THBS2: variants seen among roughly 807,000 people sequenced by gnomAD.
THBS2 encodes the protein thrombospondin-2.
THBS2 carries 47 observed loss-of-function variants against 135.2 expected under a neutral mutation model. The ratio of observed to expected loss-of-function variants is 0.35; its 90% CI spans 0.28 to 0.44. The LOEUF is 0.44. Ranked by LOEUF, THBS2 falls within the 20% of genes least tolerant of loss-of-function variation. The probability of loss-of-function intolerance (pLI) is 1.00; values close to 1 mark genes in which losing one functional copy is unlikely to be tolerated. For missense variants in THBS2, 1,288 were observed against 1,603.1 expected, an observed-to-expected ratio of 0.80 and a Z score of 3.36; for synonymous variants, 639 against 633.8, an observed-to-expected ratio of 1.01 and a Z score of -0.12.
rs1294026358 is a variant in THBS2 at position 169,231,987 on chromosome 6, C to T, written c.2144G>A (p.Cys715Tyr). The change falls in exon 13 of 22, where the codon TGC (cysteine) becomes TAC (tyrosine). Residue 715 changes from cysteine to tyrosine, a missense_variant. Transcript: ENST00000617924. ...LVCATNATYH[C>Y]IKDNCPHLPN... ...GCGAGCCCCGCGCCTCACCTTGATG[C>T]AGTGGTAGGTGGCGTTGGTGGCGCA... 10 of 1,613,632 alleles carry T rather than the reference C, an allele frequency of 6.2e-6. No homozygotes were observed. In the Admixed American group the frequency reaches 6.7e-5, roughly 11 times the overall value.
chr6:169,226,430 C>T (rs143000590), intron 15 of THBS2, 132 bp from the exon 16 acceptor site: 25 of 594,568 alleles, frequency 4.2e-5, no homozygotes, highest in South Asian at 7.2e-5. Flanking sequence ...AATAAAAAGA[C>T]GCCTAAGAAT....
At chr6:169,240,022 T>C (rs1780234546) in intron 6 of THBS2, among the ~76,000 whole-genome samples, 1 of 152,222 alleles carries the variant, frequency 6.6e-6, no homozygotes, top group Admixed American at 6.5e-5. Context: ...AAGGTAATGC[T>C]GAGGCCATTG....
At chr6:169,226,793 A>G (rs920581870) in intron 15 of THBS2, among the ~76,000 whole-genome samples, 2 of 152,234 alleles carry the variant, frequency 1.3e-5, no homozygotes, top group Non-Finnish European at 2.9e-5. Flanking sequence ...AATATAAACT[A>G]GCACTGAACT....
At chr6:169,238,008 C>A (rs1780165162) in intron 7 of THBS2, among the ~76,000 whole-genome samples, 1 of 152,184 alleles carries the variant, frequency 6.6e-6, no homozygotes, top group Non-Finnish European at 1.5e-5. Flanking sequence ...TCAGGGACTG[C>A]CTTTCAAGAG....
chr6:169,228,859 G>A (rs1234473768), intron 14 of THBS2, among the ~76,000 whole-genome samples: 4 of 146,574 alleles, frequency 2.7e-5, no homozygotes, highest in Non-Finnish European at 5.9e-5. Context: ...AGAAGATGGA[G>A]ATTGCAGTGA....
chr6:169,232,686 T>C lies in THBS2; in HGVS notation c.1910A>G (p.Glu637Gly). ...RGNQPVGVGL[E>G]AAKTEKQVCE... ...TACTTGCTTTTCCGTCTTGGCTGCT[T>C]CCAGGCCGACCCCGACGGGCTGGTT... The change falls in exon 12 of 22, where the codon GAA becomes GGA. Residue 637 changes from glutamate (E) to glycine (G), a missense_variant. Coordinates refer to ENST00000617924, the MANE Select transcript of THBS2 (RefSeq NM_003247.5). 1.2e-6 allele frequency: 2 copies of C among 1,609,320 alleles called. No homozygotes were observed. The highest frequency in any genetic ancestry group is 1.7e-6 in the Non-Finnish European group (2 of 1,178,078).
intron 4 of THBS2, among the ~76,000 whole-genome samples, chr6:169,242,279 G>A (rs969875567): frequency 6.6e-6 from 1 of 151,992 alleles, no homozygotes; most frequent in African/African-American, 2.4e-5. Flanking sequence ...CATAGGAGAG[G>A]CCTGCACAGT....
chr6:169,246,044 T>C, intron 4 of THBS2, 153 bp downstream of exon 4: 1 of 501,036 alleles, frequency 2.0e-6, no homozygotes, highest in Non-Finnish European at 3.6e-6. Context: ...ACCAGCTAAG[T>C]CACTCAAAGA....
Position 169,248,429 on chromosome 6 carries a change from C to T in THBS2, c.597G>A (p.Glu199=), listed in dbSNP as rs1489188712. ...RMYVAKGSAR[E]SHFRGLLQNV... is the part of the protein sequence containing the mutation. ...CTGCAGAGCGTACCCTGAAGTGACT[C>T]TCTCTGGCAGAGCCTTTGGCCACGT... is the stretch of plus-strand genomic sequence containing the variant. The change falls in exon 3 of 22, where the codon GAG becomes GAA. Residue 199 remains glutamate, a synonymous_variant. Transcript: ENST00000617924. 6.2e-7 allele frequency: 1 copy of T among 1,605,942 alleles called. No homozygotes were observed. Among genetic ancestry groups the T allele is most frequent in the East Asian group, 2.2e-5 (1 of 44,674 alleles).
rs556266145 is a variant in THBS2, at chr6:169,231,906, C to T, written c.2151+74G>A. 4.5e-6 allele frequency: 7 copies of T among 1,541,632 alleles called. No individual in the cohort carries two copies. The African/African-American group carries it at 5.5e-5, about 12-fold the overall frequency. ...CCCTGTGCTGCCCCCGCCCCCCGTC[C>T]GCGTAGCGTCCCCGGCGCCAGGAGG... On this transcript the variant is annotated intron_variant, in intron 13 of 21. Transcript: ENST00000617924.
At chr6:169,245,632 A>C (rs1206085538) in intron 4 of THBS2, among the ~76,000 whole-genome samples, 3 of 151,990 alleles carry the variant, frequency 2.0e-5, no homozygotes, top group Non-Finnish European at 2.9e-5. Context: ...CTCTACTAAA[A>C]ATACAAAAAA....
chr6:169,243,850 T>C (rs1371538671), intron 4 of THBS2, among the ~76,000 whole-genome samples: 1 of 152,254 alleles, frequency 6.6e-6, no homozygotes, highest in East Asian at 1.9e-4. Flanking sequence ...TTCTCAGTTG[T>C]AAAATAATAA....
intron 13 of THBS2, among the ~76,000 whole-genome samples, chr6:169,230,176 C>T (rs2114991122): frequency 6.6e-6 from 1 of 152,190 alleles, no homozygotes; most frequent in South Asian, 2.1e-4. Context: ...AAATTATCTG[C>T]TAACTCAGCT....
chr6:169,218,455 T>A (rs1337820721), intron 21 of THBS2, among the ~76,000 whole-genome samples: 8 of 95,432 alleles, frequency 8.4e-5, no homozygotes, highest in Admixed American at 3.6e-4. Context: ...GTGGCTGAGA[T>A]GGATGGATGG....
intron 14 of THBS2, 93 bp from the exon 15 acceptor site, chr6:169,228,374 G>C: frequency 6.9e-7 from 1 of 1,440,450 alleles, no homozygotes; most frequent in Non-Finnish European, 9.4e-7. Flanking sequence ...CAAGGTTGAT[G>C]AAAATCAATA....
chr6:169,247,714 GGTT>G (rs1326318110), intron 3 of THBS2, among the ~76,000 whole-genome samples: 1 of 151,704 alleles, frequency 6.6e-6, no homozygotes, highest in Non-Finnish European at 1.5e-5. Flanking sequence ...GCTTACATAT[GGTT>G]GTGTGCACAT....
intron 10 of THBS2, 62 bp from the exon 11 acceptor site, chr6:169,233,079 G>T: frequency 6.9e-7 from 1 of 1,440,698 alleles, no homozygotes; most frequent in Non-Finnish European, 9.1e-7. Flanking sequence ...AAGGAAGCCC[G>T]CCCTGTGGGC....
At chr6:169,240,112 G>A (rs199813751) in intron 6 of THBS2, among the ~76,000 whole-genome samples, 1 of 152,184 alleles carries the variant, frequency 6.6e-6, no homozygotes, top group Non-Finnish European at 1.5e-5. Flanking sequence ...TCCCCCAAAC[G>A]TTTCTGCTGA....
At chr6:169,249,076 G>A (rs952957704) in intron 2 of THBS2, 103 bp from the exon 3 acceptor site, 32 of 1,136,810 alleles carry the variant, frequency 2.8e-5, no homozygotes, top group Non-Finnish European at 3.6e-5. Flanking sequence ...GGAAATTAAC[G>A]AGGCCTCCCA....
Sources: allele counts gnomAD v4.1 joint callset (sites outside exome capture counted in the v4.1 genomes callset), GRCh38; gene constraint gnomAD v4.1.1; transcripts MANE v1.5; gene names NCBI Gene and HGNC (gene_info 2026-07-23, HGNC 2026-07-21).